RNLS: variants seen among roughly 807,000 people sequenced by gnomAD.
The protein encoded by RNLS is renalase, FAD dependent amine oxidase.
Under a neutral mutation model 39.8 loss-of-function variants are expected in RNLS, and 39 were observed. The ratio of observed to expected loss-of-function variants is 0.98; its 90% CI spans 0.76 to 1.28. The LOEUF is 1.28. RNLS is among the 50% of genes most tolerant of loss of function. The probability of loss-of-function intolerance (pLI) is 0.00; values close to 1 mark genes in which losing one functional copy is unlikely to be tolerated. For missense variants in RNLS, 410 were observed against 413.3 expected (o/e 0.99, Z 0.07); for synonymous variants, 147 against 150.7 (o/e 0.98, Z 0.18).
chr10:88,384,209 TTATTGTCAAAGGTGTCTAC>T (rs1851724938), intron 4 of RNLS, among the ~76,000 whole-genome samples: 1 of 152,176 alleles, frequency 6.6e-6, no homozygotes, highest in African/African-American at 2.4e-5. Context: ...CTTATGTCCT[TTATTGTCAAAGGTGTCTAC>T]TAAAGATAAT....
chr10:88,417,905 A>C (rs563303015), intron 4 of RNLS, among the ~76,000 whole-genome samples: 19 of 152,270 alleles, frequency 1.2e-4, no homozygotes, highest in Admixed American at 1.2e-3. Flanking sequence ...GATCATGTTG[A>C]CATTCCTGCC....
chr10:88,443,434 G>C (rs1285265013), intron 4 of RNLS, among the ~76,000 whole-genome samples: 1 of 152,186 alleles, frequency 6.6e-6, no homozygotes, highest in Non-Finnish European at 1.5e-5. Context: ...TGAGGTACCG[G>C]GTTCATCTCA....
chr10:88,266,730 CACACA>C, the RNLS span, among the ~76,000 whole-genome samples: 41 of 150,290 alleles, frequency 2.7e-4, no homozygotes, highest in East Asian at 1.4e-3. Context: ...CACACACACA[CACACA>C]CCCCACACAC....
chr10:88,515,742 G>GA (rs1282267420), intron 4 of RNLS, among the ~76,000 whole-genome samples: 1 of 151,968 alleles, frequency 6.6e-6, no homozygotes, highest in African/African-American at 2.4e-5. Flanking sequence ...AAGTGTTTAA[G>GA]AAAAAAGTAA....
intron 4 of RNLS, among the ~76,000 whole-genome samples, chr10:88,378,577 C>T (rs186104158): frequency 6.6e-6 from 1 of 152,290 alleles, no homozygotes; most frequent in Non-Finnish European, 1.5e-5. Context: ...ATAAGACCCC[C>T]CATTCTAGAG....
chr10:88,265,692 C>A, the RNLS span, among the ~76,000 whole-genome samples: 892 of 152,264 alleles, frequency 5.9e-3, 2 homozygotes, highest in Non-Finnish European at 9.3e-3. Flanking sequence ...GATTTGTGTA[C>A]ATTAATTTTG....
chr10:88,523,544 G>A (rs574398884), intron 4 of RNLS, among the ~76,000 whole-genome samples: 1 of 152,204 alleles, frequency 6.6e-6, no homozygotes, highest in Admixed American at 6.6e-5. Context: ...TCCAAGCTCA[G>A]AAACATTTGG....
chr10:88,349,156 A>G lies in RNLS; in HGVS notation c.700+13396T>C, dbSNP rs540700671. 2.0e-5 allele frequency among the ~76,000 whole-genome samples: 3 copies of G among 152,262 alleles called. No individual in the cohort carries two copies. The East Asian group carries it at 5.8e-4, about 29-fold the overall frequency. On this transcript the variant is annotated intron_variant, in intron 5 of 6. Transcript: ENST00000331772. The stretch of plus-strand genomic sequence containing the variant: ...AGGATGAAAGACACAAATATTTGGG[A>G]GTTCAATTGTGCTGAAAGACACTTC...
At chr10:88,562,685 A>G (rs1279677228) in intron 4 of RNLS, among the ~76,000 whole-genome samples, 4 of 152,184 alleles carry the variant, frequency 2.6e-5, no homozygotes, top group Non-Finnish European at 4.4e-5. Context: ...AGAAAAAAGT[A>G]AATAGTAGGC....
At chr10:88,203,356 ACGTATGTGTGTG>A in the RNLS span, among the ~76,000 whole-genome samples, 7 of 9,476 alleles carry the variant, frequency 7.4e-4, 1 homozygote, top group African/African-American at 2.2e-3. Context: ...GTATATATAT[ACGTATGTGTGTG>A]TATATATATA....
chr10:88,236,379 C>T, the RNLS span, among the ~76,000 whole-genome samples: 2 of 152,310 alleles, frequency 1.3e-5, no homozygotes, highest in East Asian at 3.9e-4. Flanking sequence ...GAAAAAAGGT[C>T]ACAGGGAAAC....
At chr10:88,222,348 T>C in the RNLS span, among the ~76,000 whole-genome samples, 1 of 152,142 alleles carries the variant, frequency 6.6e-6, no homozygotes, top group Non-Finnish European at 1.5e-5. Flanking sequence ...GCTAGTAGGA[T>C]GTGATATACA....
At chr10:88,547,561 T>C (rs891734907) in intron 4 of RNLS, among the ~76,000 whole-genome samples, 1 of 152,220 alleles carries the variant, frequency 6.6e-6, no homozygotes. Flanking sequence ...GGGTAGGATA[T>C]AAATCTTCTT....
chr10:88,412,131 C>A (rs77628250), intron 4 of RNLS, among the ~76,000 whole-genome samples: 4,217 of 151,996 alleles, frequency 0.028, 161 homozygotes, highest in South Asian at 0.12. Flanking sequence ...TAGAATGAAG[C>A]CATGAGAGAT....
the RNLS span, among the ~76,000 whole-genome samples, chr10:88,262,158 G>A: frequency 1.3e-5 from 2 of 152,222 alleles, no homozygotes; most frequent in South Asian, 2.1e-4. Flanking sequence ...ACTAGCAAAC[G>A]CCTTGTATAT....
At chr10:88,317,960 C>T (rs1217097772) in intron 5 of RNLS, among the ~76,000 whole-genome samples, 2 of 152,226 alleles carry the variant, frequency 1.3e-5, no homozygotes, top group Non-Finnish European at 2.9e-5. Flanking sequence ...TGGGGAGCCC[C>T]TCTGCCCTCT....
chr10:88,507,716 A>C (rs1845872933), intron 4 of RNLS, among the ~76,000 whole-genome samples: 1 of 152,172 alleles, frequency 6.6e-6, no homozygotes, highest in Non-Finnish European at 1.5e-5. Flanking sequence ...TTTTTGAAGT[A>C]CTTTCCAATG....
At position 88,285,474 on chromosome 10, in the gene RNLS, T is replaced by C. The variant is rs560442995; in HGVS notation, c.909A>G (p.Gln303=). 3.7e-6 allele frequency: 6 copies of C among 1,613,200 alleles called. No homozygotes were observed. In the South Asian group the frequency reaches 5.5e-5, roughly 15 times the overall value. ...GGAAAGGTTTGTGATGCAGAGTCAT[T>C]TGGCCAGGACAGTTGGCAGCAGCAT... The part of the protein sequence containing the change: ...VTNAAANCPG[Q]MTLHHKPFLA... Residue 303 remains glutamine, a synonymous_variant, in exon 7 of 7, where the codon CAA becomes CAG. Coordinates refer to ENST00000331772, the MANE Select transcript of RNLS (RefSeq NM_001031709.3).
chr10:88,540,528 G>C (rs577142638), intron 4 of RNLS, among the ~76,000 whole-genome samples: 1 of 152,236 alleles, frequency 6.6e-6, no homozygotes, highest in Admixed American at 6.6e-5. Context: ...GTGCAAAATA[G>C]TTCTGGAAGA....
Sources: gnomAD v4.1 joint callset for allele counts (sites outside exome capture counted in the v4.1 genomes callset) on GRCh38, gnomAD v4.1.1 for gene constraint, MANE v1.5 for transcripts, NCBI Gene and HGNC (gene_info 2026-07-23, HGNC 2026-07-21) for gene names.